Variants in GATAD2A observed in about 807,000 individuals in gnomAD.
GATAD2A encodes the protein transcriptional repressor p66-alpha.
In GATAD2A, 12 loss-of-function variants were observed where a neutral mutation model predicts 68.5. The ratio of observed to expected loss-of-function variants is 0.18; its 90% CI spans 0.11 to 0.28. The LOEUF (loss-of-function observed/expected upper bound fraction) is 0.28. Ranked by LOEUF, GATAD2A falls within the 10% of genes least tolerant of loss-of-function variation. GATAD2A has a pLI of 1.00. For missense variants in GATAD2A, 755 were observed against 868.5 expected, an observed-to-expected ratio of 0.87 and a Z score of 1.64; for synonymous variants, 410 against 375.3, an observed-to-expected ratio of 1.09 and a Z score of -1.07.
chr19:19,462,928 C>A (rs927301833), intron 1 of GATAD2A, among the ~76,000 whole-genome samples: 1 of 152,086 alleles, frequency 6.6e-6, no homozygotes, highest in Non-Finnish European at 1.5e-5. Flanking sequence ...CTGGGAGGGG[C>A]CCTGCCTGGC....
intron 1 of GATAD2A, among the ~76,000 whole-genome samples, chr19:19,433,633 T>C (rs2053990150): frequency 6.6e-6 from 1 of 152,254 alleles, no homozygotes; most frequent in Non-Finnish European, 1.5e-5. Flanking sequence ...AGTGAGGCTA[T>C]TGTGATTGAT....
chr19:19,469,507 T>C (rs1055315739), intron 2 of GATAD2A, among the ~76,000 whole-genome samples: 1 of 152,108 alleles, frequency 6.6e-6, no homozygotes, highest in Non-Finnish European at 1.5e-5. Flanking sequence ...AGGCAGTTTC[T>C]TTATTCACTG....
chr19:19,453,290 T>C lies in GATAD2A; in HGVS notation c.-6-12050T>C, dbSNP rs534531258. Among the ~76,000 whole-genome samples the C allele has an allele frequency of 9.8e-5, 15 of 152,310 alleles. No homozygotes were observed. The East Asian group carries it at 2.5e-3, about 25-fold the overall frequency. On this transcript the variant is annotated intron_variant, in intron 1 of 11. Coordinates refer to ENST00000683918, the MANE Select transcript of GATAD2A (RefSeq NM_001384528.1). ...GTTAAAGTTTCATCCACTGCAGCAA[T>C]TGAGTTTATAGCATGTAATTTCCTT...
At chr19:19,389,910 A>G (rs566059903) in intron 1 of GATAD2A, among the ~76,000 whole-genome samples, 4 of 152,166 alleles carry the variant, frequency 2.6e-5, no homozygotes, top group African/African-American at 9.6e-5. Flanking sequence ...CCACAGGCGC[A>G]TGCCACCACG....
intron 2 of GATAD2A, among the ~76,000 whole-genome samples, chr19:19,483,630 T>C (rs981097971): frequency 6.6e-6 from 1 of 151,656 alleles, no homozygotes; most frequent in Non-Finnish European, 1.5e-5. Context: ...TGTTTTTTTT[T>C]TGGAGACTGA....
In GATAD2A at chr19:19,501,340, G is replaced by A. The variant is rs376637148; in HGVS notation, c.1427G>A (p.Arg476Gln). The change falls in exon 9 of 12, where the codon CGG (arginine) becomes CAG (glutamine). Residue 476 changes from arginine to glutamine, a missense_variant. Physicochemically the swap from Arg to Gln is conservative, Grantham distance 43. Transcript: ENST00000683918. ...ALQQEQEIEQ[R>Q]LLQQGTAPAQ... ...CAGCAGGAACAGGAGATTGAGCAGC[G>A]GCTCCTGCAGCAGGGCACGGCCCCT... 25 of 1,612,260 alleles carry A rather than the reference G, an allele frequency of 1.6e-5. No individual in the cohort carries two copies. The highest frequency in any genetic ancestry group is 1.2e-4 in the African/African-American group (9 of 74,916).
At chr19:19,493,323 CTG>C (rs1273160606) in intron 4 of GATAD2A, among the ~76,000 whole-genome samples, 1 of 152,238 alleles carries the variant, frequency 6.6e-6, no homozygotes. Flanking sequence ...GTGAAGCACT[CTG>C]TGCAGAAAGG....
chr19:19,396,049 G>A (rs532318318), intron 1 of GATAD2A, among the ~76,000 whole-genome samples: 20 of 152,240 alleles, frequency 1.3e-4, no homozygotes, highest in Non-Finnish European at 2.8e-4. Context: ...AGCCGGGCAC[G>A]GTGGCTCACA....
In GATAD2A at chr19:19,425,219, G is replaced by A. The variant is rs372001974; in HGVS notation, c.-7+19200G>A. Among the ~76,000 whole-genome samples, 44 of 152,294 alleles carry A rather than the reference G, an allele frequency of 2.9e-4. 1 individual carries two copies. The South Asian group carries it at 9.1e-3, about 32-fold the overall frequency. On this transcript the variant is annotated intron_variant, in intron 1 of 11. Coordinates refer to ENST00000683918, the MANE Select transcript of GATAD2A (RefSeq NM_001384528.1). ...ATTGCAGTGTGGGGAGGCTATTTGG[G>A]TGGCAATTTGTTGGGGACAAGGCTG...
In GATAD2A at chr19:19,498,722, G is replaced by A. The variant is rs774186096; in HGVS notation, c.1204G>A (p.Ala402Thr). ...GGTGCAGAACCTACTGGAGACACAA[G>A]GTGAGTGGCCTGGACCCAGCCGGGC... ...EVVQNLLETQ[A>T]GRMSAATVLS... Residue 402 changes from alanine to threonine, a missense_variant and splice_region_variant, in exon 8 of 12, where the codon GCA becomes ACA. Physicochemically the swap from Ala to Thr is moderately conservative, Grantham distance 58. Transcript: ENST00000683918. 2 of 1,605,358 alleles carry A rather than the reference G, an allele frequency of 1.2e-6. No homozygotes were observed. Among genetic ancestry groups the A allele is most frequent in the East Asian group, 4.5e-5 (2 of 44,674 alleles).
intron 7 of GATAD2A, among the ~76,000 whole-genome samples, chr19:19,496,701 C>T (rs770516788): frequency 2.4e-4 from 36 of 152,342 alleles, no homozygotes; most frequent in Admixed American, 7.2e-4. Flanking sequence ...CTTAGCCGCA[C>T]GTCCCTTCAC....
chr19:19,398,603 G>A (rs532931017), intron 1 of GATAD2A, among the ~76,000 whole-genome samples: 1 of 152,126 alleles, frequency 6.6e-6, no homozygotes, highest in African/African-American at 2.4e-5. Context: ...AAAGTGCTGG[G>A]ATTACAGGCA....
Position 19,451,060 on chromosome 19 carries a change from G to A in GATAD2A, c.-6-14280G>A, listed in dbSNP as rs560428489. ...GCTGATATTATAGGCGTGAGCCACC[G>A]CACCCGGCCGAGATTCAAACTTTTA... On this transcript the variant is annotated intron_variant, in intron 1 of 11. Transcript: ENST00000683918. Among the ~76,000 whole-genome samples the A allele has an allele frequency of 8.7e-5, 13 of 150,074 alleles. No individual in the cohort carries two copies. In the East Asian group the frequency reaches 2.7e-3, roughly 31 times the overall value.
rs2060954412 is a variant in GATAD2A, at chr19:19,508,352, T to C, written c.*2878T>C. ...CTACGGTGACCAGGAACCACCCCTC[T>C]GACGAGGTCTGTAGCGGCCCTTCTC... On this transcript the variant is annotated 3_prime_UTR_variant, in exon 12 of 12. Transcript: ENST00000683918. The C allele has an allele frequency of 6.6e-6, 1 of 152,342 alleles. No individual in the cohort carries two copies. Among genetic ancestry groups the C allele is most frequent in the Non-Finnish European group, 1.5e-5 (1 of 68,132 alleles). 9.4% of individuals were successfully genotyped at this position (152,342 alleles called of 1,614,324 possible). A position where few individuals can be genotyped will look rare whatever the true frequency, so the allele number is the denominator to read the frequency against.
At chr19:19,492,259 G>C in intron 2 of GATAD2A, 47 bp from the exon 3 acceptor site, 1 of 1,568,358 alleles carries the variant, frequency 6.4e-7, no homozygotes, top group South Asian at 1.2e-5. Flanking sequence ...TGGGCACTGG[G>C]TCCAGCTGTC....
At chr19:19,468,671 A>G (rs1050513517) in intron 2 of GATAD2A, among the ~76,000 whole-genome samples, 13 of 152,246 alleles carry the variant, frequency 8.5e-5, no homozygotes, top group African/African-American at 2.2e-4. Flanking sequence ...AAAGTATCCA[A>G]AGAAGAAAAC....
At chr19:19,457,598 G>A (rs1391285329) in intron 1 of GATAD2A, among the ~76,000 whole-genome samples, 1 of 152,022 alleles carries the variant, frequency 6.6e-6, no homozygotes, top group East Asian at 1.9e-4. Flanking sequence ...AAAATTAGCC[G>A]GGCGTGGTGA....
At position 19,465,390 on chromosome 19, in the gene GATAD2A, T is replaced by C; in HGVS notation, c.45T>C (p.Leu15=). Residue 15 remains leucine (L), a synonymous_variant, in exon 2 of 12, where the codon CTT becomes CTC. Coordinates refer to ENST00000683918, the MANE Select transcript of GATAD2A (RefSeq NM_001384528.1). The stretch of plus-strand genomic sequence containing the variant: ...GAACACGGAGTCAGAAACGAGCGCT[T>C]GAACGGGACCCAACAGAGGACGATG... ...ACRTRSQKRA[L]ERDPTEDDVE... 6.2e-7 allele frequency: 1 copy of C among 1,613,984 alleles called. No homozygotes were observed. Among genetic ancestry groups the C allele is most frequent in the Non-Finnish European group, 8.5e-7 (1 of 1,179,838 alleles).
chr19:19,475,513 C>G (rs775039651), intron 2 of GATAD2A, among the ~76,000 whole-genome samples: 1 of 152,182 alleles, frequency 6.6e-6, no homozygotes, highest in Non-Finnish European at 1.5e-5. Flanking sequence ...CAGCCCCTCC[C>G]CAGCACCTGT....
Sources: allele counts gnomAD v4.1 joint callset (sites outside exome capture counted in the v4.1 genomes callset), GRCh38; gene constraint gnomAD v4.1.1; transcripts MANE v1.5; gene names NCBI Gene and HGNC (gene_info 2026-07-23, HGNC 2026-07-21).